CNBD1: variants seen among roughly 807,000 people sequenced by gnomAD.
CNBD1 encodes cyclic nucleotide binding domain containing 1.
CNBD1 carries 71 observed loss-of-function variants against 54.4 expected under a neutral mutation model. That is an observed-to-expected ratio of 1.30 (90% CI 1.08 to 1.59). The LOEUF (loss-of-function observed/expected upper bound fraction) is 1.59. Among genes scored for constraint, CNBD1 ranks in the 40% most tolerant of loss-of-function variants. The pLI, the probability that CNBD1 is intolerant of heterozygous loss-of-function variation, is 0.00. For missense variants in CNBD1, 659 were observed against 518.0 expected (o/e 1.27, Z -2.64); for synonymous variants, 182 against 170.7 (o/e 1.07, Z -0.51).
chr8:87,090,174 CTGTT>C (rs1188621178), intron 4 of CNBD1, among the ~76,000 whole-genome samples: 5 of 152,106 alleles, frequency 3.3e-5, no homozygotes, highest in African/African-American at 1.2e-4. Context: ...AAGCCAAACA[CTGTT>C]TGTTCATTCC....
At chr8:87,025,219 C>T (rs894027072) in intron 4 of CNBD1, among the ~76,000 whole-genome samples, 2 of 152,076 alleles carry the variant, frequency 1.3e-5, no homozygotes, top group Non-Finnish European at 2.9e-5. Context: ...GACCAATCAG[C>T]GCTCTGTAAA....
At chr8:87,119,139 G>A (rs1481462299) in intron 4 of CNBD1, among the ~76,000 whole-genome samples, 2 of 151,886 alleles carry the variant, frequency 1.3e-5, no homozygotes, top group African/African-American at 4.8e-5. Flanking sequence ...AAAAATGACA[G>A]CGGTATTTTG....
intron 4 of CNBD1, among the ~76,000 whole-genome samples, chr8:87,178,535 G>A (rs1177763234): frequency 1.3e-5 from 2 of 152,180 alleles, no homozygotes; most frequent in African/African-American, 4.8e-5. Context: ...AGATGCAGTC[G>A]GAGAGATAGT....
intron 4 of CNBD1, among the ~76,000 whole-genome samples, chr8:87,031,814 C>A (rs938520017): frequency 6.6e-6 from 1 of 152,172 alleles, no homozygotes; most frequent in Admixed American, 6.5e-5. Context: ...CATCTTGGTT[C>A]ACCATAAACT....
intron 10 of CNBD1, among the ~76,000 whole-genome samples, chr8:87,378,001 T>C (rs939280840): frequency 3.0e-5 from 4 of 135,408 alleles, no homozygotes; most frequent in Admixed American, 2.3e-4. Context: ...GATGGGGTTG[T>C]TTGTTTTTTT....
At chr8:87,193,697 T>C (rs1204586520) in intron 4 of CNBD1, among the ~76,000 whole-genome samples, 1 of 152,164 alleles carries the variant, frequency 6.6e-6, no homozygotes, top group African/African-American at 2.4e-5. Context: ...TCTTTTATAT[T>C]TGTCTGCGTA....
At chr8:86,944,754 T>G (rs1225852567) in intron 4 of CNBD1, among the ~76,000 whole-genome samples, 1 of 152,156 alleles carries the variant, frequency 6.6e-6, no homozygotes, top group African/African-American at 2.4e-5. Flanking sequence ...GATTTTAACC[T>G]TGGTGTGACT....
intron 8 of CNBD1, among the ~76,000 whole-genome samples, chr8:87,317,846 G>T (rs984829137): frequency 8.0e-5 from 12 of 150,430 alleles, no homozygotes; most frequent in African/African-American, 2.9e-4. Flanking sequence ...CACTGAATTT[G>T]TCCCATGTTT....
At chr8:87,345,587 G>A (rs1810156393) in intron 8 of CNBD1, among the ~76,000 whole-genome samples, 1 of 152,070 alleles carries the variant, frequency 6.6e-6, no homozygotes, top group Non-Finnish European at 1.5e-5. Context: ...CAATCAATAA[G>A]TCATAATTTA....
Position 87,004,456 on chromosome 8 carries a change from A to T in CNBD1, c.431+64702A>T, listed in dbSNP as rs182099573. On this transcript the variant is annotated intron_variant, in intron 4 of 10. Coordinates refer to ENST00000518476, the MANE Select transcript of CNBD1 (RefSeq NM_173538.3). ...ATTTGTAAAATTTCTCATATGTGTAAATATAAACATTTTATATTACTCATT... is the reference window on the plus strand; with the variant it reads ...ATTTGTAAAATTTCTCATATGTGTATATATAAACATTTTATATTACTCATT... Among the ~76,000 whole-genome samples, 3 of 151,978 alleles carry T rather than the reference A, an allele frequency of 2.0e-5. No individual in the cohort carries two copies. The East Asian group carries it at 5.8e-4, about 29-fold the overall frequency.
chr8:87,274,189 G>T (rs971070226), intron 6 of CNBD1, among the ~76,000 whole-genome samples: 1 of 151,456 alleles, frequency 6.6e-6, no homozygotes, highest in Non-Finnish European at 1.5e-5. Flanking sequence ...ATTTGGGTTG[G>T]TTCCAAGTCT....
In CNBD1 at chr8:87,398,094, C is replaced by A. The variant is rs1811441363; in HGVS notation, c.214-30452C>A. 2.0e-5 allele frequency among the ~76,000 whole-genome samples: 3 copies of A among 151,170 alleles called. No individual in the cohort carries two copies. In the South Asian group the frequency reaches 6.2e-4, roughly 31 times the overall value. ...TGGACTAATACGTCATCAATTTTCT[C>A]TAAGTTTTTAGATATCAGCATCTTT... On this transcript the variant is annotated intron_variant, in intron 2 of 7. Transcript: ENST00000521593.
chr8:87,199,906 C>T (rs1813818165), intron 4 of CNBD1, among the ~76,000 whole-genome samples: 1 of 152,120 alleles, frequency 6.6e-6, no homozygotes, highest in African/African-American at 2.4e-5. Context: ...ACTAGTGGCT[C>T]TCAGATGCTG....
At chr8:87,317,864 T>A (rs1306817329) in intron 8 of CNBD1, among the ~76,000 whole-genome samples, 4 of 141,844 alleles carry the variant, frequency 2.8e-5, no homozygotes, top group African/African-American at 1.0e-4. Flanking sequence ...TTTCACTGTT[T>A]CTCTGTTCTA....
chr8:87,314,011 C>T (rs1809329458), intron 8 of CNBD1, among the ~76,000 whole-genome samples: 1 of 151,884 alleles, frequency 6.6e-6, no homozygotes, highest in African/African-American at 2.4e-5. Context: ...GAGATCCCTC[C>T]AGAGTACCAA....
chr8:86,932,488 G>A (rs1809473976), intron 3 of CNBD1, among the ~76,000 whole-genome samples: 2 of 152,188 alleles, frequency 1.3e-5, no homozygotes, highest in Non-Finnish European at 2.9e-5. Flanking sequence ...GGTAAACTGA[G>A]AGGTCCTCCT....
chr8:86,940,626 A>G (rs1468417190), intron 4 of CNBD1, among the ~76,000 whole-genome samples: 1 of 152,200 alleles, frequency 6.6e-6, no homozygotes, highest in African/African-American at 2.4e-5. Flanking sequence ...TGAAAATTAT[A>G]GAAGAAAATC....
chr8:87,309,136 T>C (rs1445018943), intron 8 of CNBD1, among the ~76,000 whole-genome samples: 1 of 152,128 alleles, frequency 6.6e-6, no homozygotes, highest in African/African-American at 2.4e-5. Flanking sequence ...CATGTGATAG[T>C]TCTAATTTCA....
intron 4 of CNBD1, among the ~76,000 whole-genome samples, chr8:87,106,028 A>C (rs1811527663): frequency 6.6e-6 from 1 of 152,172 alleles, no homozygotes; most frequent in African/African-American, 2.4e-5. Flanking sequence ...CAGGGAAAAC[A>C]GTTCTTATTC....
Sources: gnomAD v4.1 joint callset for allele counts (sites outside exome capture counted in the v4.1 genomes callset) on GRCh38, gnomAD v4.1.1 for gene constraint, MANE v1.5 for transcripts, NCBI Gene and HGNC (gene_info 2026-07-23, HGNC 2026-07-21) for gene names.